LAMA1: variants seen among roughly 807,000 people sequenced by gnomAD.
LAMA1 encodes the protein laminin subunit alpha 1.
LAMA1 carries 219 observed loss-of-function variants against 348.7 expected under a neutral mutation model. The observed-to-expected ratio is 0.63, with a 90% CI of 0.56 to 0.70. The LOEUF is 0.70. Ranked by LOEUF, LAMA1 falls within the 30% of genes least tolerant of loss-of-function variation. The probability of loss-of-function intolerance (pLI) is 0.00; values close to 1 mark genes in which losing one functional copy is unlikely to be tolerated. For missense variants in LAMA1, 3,744 were observed against 3,888.0 expected, an observed-to-expected ratio of 0.96 and a Z score of 0.99; for synonymous variants, 1,487 against 1,491.0, an observed-to-expected ratio of 1.00 and a Z score of 0.06.
chr18:7,070,429 C>T (rs947064997), intron 3 of LAMA1, among the ~76,000 whole-genome samples: 1 of 152,162 alleles, frequency 6.6e-6, no homozygotes, highest in Non-Finnish European at 1.5e-5. Flanking sequence ...AAGATTTTAT[C>T]TTAAGAATGT....
At chr18:7,001,644 T>C (rs1244421826) in intron 30 of LAMA1, among the ~76,000 whole-genome samples, 1 of 152,212 alleles carries the variant, frequency 6.6e-6, no homozygotes, top group Non-Finnish European at 1.5e-5. Flanking sequence ...TCTTTGTATG[T>C]TCAATACCTT....
intron 1 of LAMA1, among the ~76,000 whole-genome samples, chr18:7,107,730 A>C (rs576126931): frequency 2.0e-4 from 30 of 152,174 alleles, no homozygotes; most frequent in Non-Finnish European, 3.7e-4. Flanking sequence ...TGTTAACTCT[A>C]AAATACTTTC....
chr18:7,069,701 C>A (rs1009174192), intron 3 of LAMA1, among the ~76,000 whole-genome samples: 27 of 152,258 alleles, frequency 1.8e-4, no homozygotes, highest in African/African-American at 6.0e-4. Context: ...TGTGGAAAGA[C>A]CACACGGAGA....
chr18:6,991,141 A>G (rs1193525930), intron 36 of LAMA1, among the ~76,000 whole-genome samples: 1 of 152,076 alleles, frequency 6.6e-6, no homozygotes, highest in Non-Finnish European at 1.5e-5. Flanking sequence ...TATTCTAGTA[A>G]TTAGATTACT....
At chr18:7,057,056 G>C (rs570780223) in intron 3 of LAMA1, among the ~76,000 whole-genome samples, 6 of 152,060 alleles carry the variant, frequency 3.9e-5, no homozygotes, top group Non-Finnish European at 7.4e-5. Context: ...ATTTTTAGTA[G>C]AGATGAGGTT....
At chr18:7,032,891 A>C in intron 15 of LAMA1, 93 bp downstream of exon 15, 1 of 960,878 alleles carries the variant, frequency 1.0e-6, no homozygotes, top group Non-Finnish European at 1.6e-6. Context: ...GCTAAAGCTA[A>C]AAATCAAATG....
rs991563985 is a variant in LAMA1, at chr18:6,992,614, G to A, written c.5115C>T (p.Ile1705=). The change falls in exon 36 of 63, where the codon ATC becomes ATT. Residue 1705 remains isoleucine, a synonymous_variant. Coordinates refer to ENST00000389658, the MANE Select transcript of LAMA1 (RefSeq NM_005559.4). ...MQQNGTSLLE[I]MQIRDFTQLH... ...ACTGTGTGAAGTCTCTTATCTGCATGATTTCTAGCAAAGATGTACCATTCT... is the reference window on the plus strand; with the variant it reads ...ACTGTGTGAAGTCTCTTATCTGCATAATTTCTAGCAAAGATGTACCATTCT... 3.1e-6 allele frequency: 5 copies of A among 1,614,008 alleles called. No homozygotes were observed. Among genetic ancestry groups the A allele is most frequent in the Non-Finnish European group, 4.2e-6 (5 of 1,179,992 alleles).
chr18:6,979,813 G>A (rs2057701679), intron 42 of LAMA1, among the ~76,000 whole-genome samples: 1 of 151,966 alleles, frequency 6.6e-6, no homozygotes, highest in Non-Finnish European at 1.5e-5. Flanking sequence ...GCAGGAGAAT[G>A]GTGTGAACCC....
chr18:7,013,859 C>G lies in LAMA1; in HGVS notation c.3319G>C (p.Gly1107Arg). 6.2e-7 allele frequency: 1 copy of G among 1,611,946 alleles called. No individual in the cohort carries two copies. Among genetic ancestry groups the G allele is most frequent in the Non-Finnish European group, 8.5e-7 (1 of 1,178,984 alleles). Residue 1107 changes from glycine to arginine, a missense_variant, in exon 23 of 63, where the codon GGT becomes CGT. This residue lies in a region of LAMA1 where 1,529 missense variants were observed against 1,689.4 expected (regional missense o/e 0.91). Coordinates refer to ENST00000389658, the MANE Select transcript of LAMA1 (RefSeq NM_005559.4). The part of the protein sequence containing the change: ...TSGDACNLEQ[G>R]LCGCVEETGA... Reference sequence around the variant, plus strand: ...GTTTCCTCCACACAGCCGCAGAGACCCTGCTCCAGGTTGCAGGCGTCCCCC... The same window carrying G: ...GTTTCCTCCACACAGCCGCAGAGACGCTGCTCCAGGTTGCAGGCGTCCCCC...
intron 54 of LAMA1, 115 bp downstream of exon 54, chr18:6,959,226 G>T: frequency 7.5e-7 from 1 of 1,326,112 alleles, no homozygotes; most frequent in Non-Finnish European, 1.1e-6. Context: ...AGAATCGTCT[G>T]GATGCCGATG....
chr18:7,056,334 C>G (rs1459016543), intron 3 of LAMA1, among the ~76,000 whole-genome samples: 5 of 152,160 alleles, frequency 3.3e-5, no homozygotes, highest in Admixed American at 3.3e-4. Flanking sequence ...AGGTCATTTA[C>G]AAAGACATCT....
intron 51 of LAMA1, chr18:6,963,964 G>A (rs139004870): frequency 6.5e-6 from 1 of 152,778 alleles, no homozygotes; most frequent in African/African-American, 2.4e-5. Flanking sequence ...ACATTATTCA[G>A]TCTAACCACA....
chr18:6,967,833 T>C (rs1386184882), intron 48 of LAMA1, among the ~76,000 whole-genome samples: 1 of 152,076 alleles, frequency 6.6e-6, no homozygotes, highest in Non-Finnish European at 1.5e-5. Context: ...GGGGGCTTTC[T>C]CCCTTCCCAG....
intron 25 of LAMA1, 124 bp from the exon 26 acceptor site, chr18:7,010,509 T>C (rs1330425790): frequency 5.4e-6 from 5 of 931,590 alleles, no homozygotes; most frequent in Non-Finnish European, 8.4e-6. Context: ...TGGGTGAAAT[T>C]TGTTGTCTGG....
intron 9 of LAMA1, among the ~76,000 whole-genome samples, chr18:7,040,859 A>G (rs988713504): frequency 2.6e-5 from 4 of 152,230 alleles, no homozygotes; most frequent in South Asian, 2.1e-4. Context: ...GATGACCTTG[A>G]AAACATTATA....
intron 1 of LAMA1, among the ~76,000 whole-genome samples, chr18:7,094,316 C>T (rs570113062): frequency 1.3e-5 from 2 of 148,934 alleles, no homozygotes; most frequent in South Asian, 2.2e-4. Context: ...CCCAGCTACT[C>T]GGGAGGCTGA....
At chr18:6,956,442 G>A (rs1285388416) in intron 56 of LAMA1, 194 bp downstream of exon 56, 1 of 820,290 alleles carries the variant, frequency 1.2e-6, no homozygotes, top group Admixed American at 1.9e-5. Context: ...CTATGGATTG[G>A]GCCGTGTCAT....
chr18:6,961,819 G>C, intron 52 of LAMA1, 60 bp from the exon 53 acceptor site: 3 of 1,596,300 alleles, frequency 1.9e-6, no homozygotes, highest in Non-Finnish European at 2.6e-6. Context: ...AACCTTCCGT[G>C]GGGAGGACAC....
intron 1 of LAMA1, among the ~76,000 whole-genome samples, chr18:7,114,463 A>G (rs180771401): frequency 1.3e-5 from 2 of 152,356 alleles, no homozygotes; most frequent in East Asian, 1.9e-4. Context: ...TGGAGAATAT[A>G]GTTTAAAAAT....
Sources: allele counts gnomAD v4.1 joint callset (sites outside exome capture counted in the v4.1 genomes callset), GRCh38; gene constraint gnomAD v4.1.1; regional missense constraint gnomAD v4.1.1; transcripts MANE v1.5; gene names NCBI Gene and HGNC (gene_info 2026-07-23, HGNC 2026-07-21).